The following MARCHF3 variants were observed in gnomAD, a reference collection of about 807,000 sequenced individuals.
MARCHF3 encodes the protein E3 ubiquitin-protein ligase MARCHF3.
Under a neutral mutation model 24.2 loss-of-function variants are expected in MARCHF3, and 13 were observed. The ratio of observed to expected loss-of-function variants is 0.54; its 90% CI spans 0.35 to 0.85. The LOEUF is 0.85. Among genes scored for constraint, MARCHF3 ranks in the 40% least tolerant of loss-of-function variants. The pLI is 0.01. For missense variants in MARCHF3, 276 were observed against 325.0 expected (o/e 0.85, Z 1.16); for synonymous variants, 144 against 137.3 (o/e 1.05, Z -0.34).
intron 1 of MARCHF3, among the ~76,000 whole-genome samples, chr5:126,998,819 A>AT (rs1334633682): frequency 1.3e-5 from 2 of 152,206 alleles, no homozygotes; most frequent in Non-Finnish European, 2.9e-5. Flanking sequence ...GAGAAGCTGT[A>AT]AAGATCTGTG....
intron 1 of MARCHF3, among the ~76,000 whole-genome samples, chr5:127,009,494 G>A (rs905468494): frequency 1.3e-5 from 2 of 152,024 alleles, no homozygotes; most frequent in African/African-American, 4.8e-5. Context: ...AATGAGAAAC[G>A]GCTCTTATAA....
At chr5:126,893,007 T>C (rs1166641249) in intron 3 of MARCHF3, among the ~76,000 whole-genome samples, 2 of 151,832 alleles carry the variant, frequency 1.3e-5, no homozygotes, top group Non-Finnish European at 2.9e-5. Context: ...TTCTTCCTGG[T>C]TGAGTCTTGG....
intron 1 of MARCHF3, among the ~76,000 whole-genome samples, chr5:127,009,145 AATT>A (rs1752404371): frequency 6.6e-6 from 1 of 152,148 alleles, no homozygotes; most frequent in South Asian, 2.1e-4. Context: ...TCTTATAAGG[AATT>A]CCCTGAGATT....
chr5:127,007,780 C>G (rs1175982234), intron 1 of MARCHF3, among the ~76,000 whole-genome samples: 1 of 152,076 alleles, frequency 6.6e-6, no homozygotes, highest in Non-Finnish European at 1.5e-5. Flanking sequence ...TTTTATTCTA[C>G]TTTTGTCAGA....
Position 126,874,968 on chromosome 5 carries a change from C to G in MARCHF3, c.603+3217G>C, listed in dbSNP as rs372201739. Reference sequence around the variant, plus strand: ...TCACACTTTGAGGAACCGGGTCGCTCATTCATTCCCTTCTGTGCTGGACAC... The same window carrying G: ...TCACACTTTGAGGAACCGGGTCGCTGATTCATTCCCTTCTGTGCTGGACAC... On this transcript the variant is annotated intron_variant, in intron 4 of 4. Coordinates refer to ENST00000308660, the MANE Select transcript of MARCHF3 (RefSeq NM_178450.5). Among the ~76,000 whole-genome samples the G allele has an allele frequency of 2.0e-5, 3 of 152,278 alleles. No individual in the cohort carries two copies. The South Asian group carries it at 6.2e-4, about 32-fold the overall frequency.
At chr5:126,925,621 A>G (rs946863201) in intron 1 of MARCHF3, among the ~76,000 whole-genome samples, 14 of 152,224 alleles carry the variant, frequency 9.2e-5, no homozygotes, top group African/African-American at 3.4e-4. Flanking sequence ...CTATGTGTTC[A>G]AAGACACAGC....
rs368304542 is a variant in MARCHF3 at position 126,963,462 on chromosome 5, A to G, written c.-56-45235T>C. 2.7e-3 allele frequency among the ~76,000 whole-genome samples: 413 copies of G among 152,284 alleles called. 3 individuals carry two copies. The Middle Eastern group carries it at 0.027, about 10-fold the overall frequency. On this transcript the variant is annotated intron_variant, in intron 1 of 4. Transcript: ENST00000308660. ...ATTTTCAAGGAGAAAAAAATCATTA[A>G]AACGTTAGTGTTATTAAAAAATGCT...
Position 126,880,105 on chromosome 5 carries a change from C to T in MARCHF3, c.394-1711G>A, listed in dbSNP as rs142653776. 1.8e-4 allele frequency among the ~76,000 whole-genome samples: 28 copies of T among 152,150 alleles called. No homozygotes were observed. The East Asian group carries it at 4.3e-3, about 23-fold the overall frequency. On this transcript the variant is annotated intron_variant, in intron 3 of 4. Coordinates refer to ENST00000308660, the MANE Select transcript of MARCHF3 (RefSeq NM_178450.5). ...AGCATGGAACGACAAAATAGAAAAG[C>T]GGCAAAGAGGGAAAGAAGTTGAGGA...
intron 3 of MARCHF3, among the ~76,000 whole-genome samples, chr5:126,911,779 T>C (rs770496717): frequency 2.6e-5 from 4 of 152,180 alleles, no homozygotes; most frequent in Admixed American, 6.5e-5. Context: ...ACTGGCCATG[T>C]AGGTAGGTAG....
chr5:127,007,974 G>A (rs1336908973), intron 1 of MARCHF3, among the ~76,000 whole-genome samples: 2 of 152,128 alleles, frequency 1.3e-5, no homozygotes, highest in African/African-American at 4.8e-5. Context: ...GCTGAGCTCG[G>A]TATGCTGAGG....
intron 3 of MARCHF3, among the ~76,000 whole-genome samples, chr5:126,892,345 G>A (rs1429059754): frequency 6.6e-6 from 1 of 150,522 alleles, no homozygotes; most frequent in East Asian, 1.9e-4. Flanking sequence ...AGTGGTGAGA[G>A]AGGGCATCCC....
intron 1 of MARCHF3, among the ~76,000 whole-genome samples, chr5:127,017,403 C>G (rs946926546): frequency 2.0e-5 from 3 of 152,162 alleles, no homozygotes; most frequent in African/African-American, 7.2e-5. Flanking sequence ...AAACTTCCCT[C>G]TTGTACAGAT....
At chr5:126,946,514 A>G (rs1476412897) in intron 1 of MARCHF3, 1 of 152,178 alleles carries the variant, frequency 6.6e-6, no homozygotes, top group African/African-American at 2.4e-5. Flanking sequence ...CCCGCATTTA[A>G]GAAGCATGAA....
chr5:126,986,128 G>A (rs369684203), intron 1 of MARCHF3, among the ~76,000 whole-genome samples: 2 of 152,194 alleles, frequency 1.3e-5, no homozygotes, highest in South Asian at 2.1e-4. Flanking sequence ...AATAAAGAGC[G>A]CAGAAGTAGG....
chr5:126,882,531 T>C (rs187889770), intron 3 of MARCHF3, among the ~76,000 whole-genome samples: 3 of 152,244 alleles, frequency 2.0e-5, no homozygotes, highest in South Asian at 2.1e-4. Flanking sequence ...TTGGCTCTTA[T>C]GTCTTCTACC....
intron 1 of MARCHF3, among the ~76,000 whole-genome samples, chr5:126,993,544 TC>T (rs1431735673): frequency 6.6e-6 from 1 of 152,188 alleles, no homozygotes; most frequent in Non-Finnish European, 1.5e-5. Context: ...ACTGGTGACT[TC>T]CTGGAGGACC....
intron 3 of MARCHF3, among the ~76,000 whole-genome samples, chr5:126,879,911 G>T (rs1474427639): frequency 6.6e-6 from 1 of 152,116 alleles, no homozygotes; most frequent in Non-Finnish European, 1.5e-5. Context: ...GCTGATGCGT[G>T]CCCAGCAGTG....
chr5:126,873,883 G>A (rs1273594400), intron 4 of MARCHF3, among the ~76,000 whole-genome samples: 1 of 152,158 alleles, frequency 6.6e-6, no homozygotes, highest in Non-Finnish European at 1.5e-5. Flanking sequence ...GCATTGCCCT[G>A]GGTTAATGCT....
intron 1 of MARCHF3, among the ~76,000 whole-genome samples, chr5:126,944,407 G>C (rs1350622868): frequency 6.6e-6 from 1 of 152,072 alleles, no homozygotes; most frequent in Non-Finnish European, 1.5e-5. Flanking sequence ...AGATCAGCCT[G>C]AGCAACATGG....
Sources: allele counts gnomAD v4.1 joint callset (sites outside exome capture counted in the v4.1 genomes callset), GRCh38; gene constraint gnomAD v4.1.1; transcripts MANE v1.5; gene names NCBI Gene and HGNC (gene_info 2026-07-23, HGNC 2026-07-21).